C8orf34: variants seen among roughly 807,000 people sequenced by gnomAD.
C8orf34 encodes the protein chromosome 8 open reading frame 34.
In C8orf34, 65 loss-of-function variants were observed where a neutral mutation model predicts 68.3. That is an observed-to-expected ratio of 0.95 (90% confidence interval 0.78 to 1.17). The LOEUF is 1.17. Ranked by LOEUF, C8orf34 falls within the 50% of genes most tolerant of loss-of-function variation. The probability of loss-of-function intolerance (pLI) is 0.00; values close to 1 mark genes in which losing one functional copy is unlikely to be tolerated. For synonymous variants in C8orf34, 244 were observed against 241.2 expected, an observed-to-expected ratio of 1.01 and a Z score of -0.11; for missense variants, 664 against 655.4, an observed-to-expected ratio of 1.01 and a Z score of -0.14.
At chr8:68,525,069 T>A (rs533438023) in intron 6 of C8orf34, among the ~76,000 whole-genome samples, 47 of 152,284 alleles carry the variant, frequency 3.1e-4, no homozygotes, top group African/African-American at 1.1e-3. Context: ...AATATTAAAA[T>A]AAGAGCTAAA....
chr8:68,448,193 T>C (rs761990716), intron 3 of C8orf34, among the ~76,000 whole-genome samples: 4 of 152,200 alleles, frequency 2.6e-5, no homozygotes, highest in Admixed American at 6.6e-5. Context: ...GCAGGTCCTG[T>C]GTTCTTTGTA....
chr8:68,705,373 A>G (rs1821132770), intron 8 of C8orf34, among the ~76,000 whole-genome samples: 1 of 152,162 alleles, frequency 6.6e-6, no homozygotes, highest in African/African-American at 2.4e-5. Flanking sequence ...CAAAGAGAGA[A>G]AGCCTTTAAA....
At chr8:68,653,765 A>G (rs1172734129) in intron 8 of C8orf34, among the ~76,000 whole-genome samples, 1 of 152,136 alleles carries the variant, frequency 6.6e-6, no homozygotes, top group African/African-American at 2.4e-5. Context: ...AAATAGCATC[A>G]CATTATAGAT....
chr8:68,680,724 T>C (rs1354231829), intron 8 of C8orf34, among the ~76,000 whole-genome samples: 1 of 152,018 alleles, frequency 6.6e-6, no homozygotes, highest in Admixed American at 6.6e-5. Flanking sequence ...CTGATAAGGG[T>C]CTATGTTCAG....
At chr8:68,647,449 A>G (rs1219210747) in intron 8 of C8orf34, among the ~76,000 whole-genome samples, 4 of 152,232 alleles carry the variant, frequency 2.6e-5, no homozygotes, top group African/African-American at 9.6e-5. Flanking sequence ...CTGGGTATAT[A>G]TTTAAAGGAA....
intron 7 of C8orf34, among the ~76,000 whole-genome samples, chr8:68,591,187 G>A (rs753052252): frequency 2.0e-5 from 3 of 152,060 alleles, no homozygotes; most frequent in Non-Finnish European, 2.9e-5. Flanking sequence ...GAAGAAAATC[G>A]CCAAACTAAA....
intron 5 of C8orf34, among the ~76,000 whole-genome samples, chr8:68,497,503 T>C (rs4590429): frequency 0.39 from 58,715 of 151,978 alleles, 11,670 homozygotes; most frequent in African/African-American, 0.44. Context: ...ATGATCCTAT[T>C]TCTATGAATC....
At chr8:68,818,170 CTTTT>C in intron 13 of C8orf34, 65 bp from the exon 14 acceptor site, 1 of 1,520,528 alleles carries the variant, frequency 6.6e-7, no homozygotes, top group Non-Finnish European at 9.1e-7. Context: ...CACAATTTTT[CTTTT>C]TAATATGCTA....
intron 11 of C8orf34, 87 bp downstream of exon 11, chr8:68,776,536 T>C: frequency 9.3e-7 from 1 of 1,070,596 alleles, no homozygotes; most frequent in Non-Finnish European, 1.4e-6. Flanking sequence ...TCCATCTACT[T>C]GTAGGGTTTC....
At chr8:68,370,760 T>G (rs913711935) in intron 1 of C8orf34, among the ~76,000 whole-genome samples, 3 of 152,208 alleles carry the variant, frequency 2.0e-5, no homozygotes, top group African/African-American at 7.2e-5. Context: ...ACACTTTACA[T>G]GAAGAATCTC....
intron 7 of C8orf34, among the ~76,000 whole-genome samples, chr8:68,575,391 T>C (rs1323245869): frequency 2.6e-5 from 4 of 152,104 alleles, no homozygotes; most frequent in Non-Finnish European, 4.4e-5. Context: ...TTTAGCTCTA[T>C]AAACCGTCTA....
chr8:68,528,756 T>C (rs777217717), intron 6 of C8orf34, among the ~76,000 whole-genome samples: 9 of 152,164 alleles, frequency 5.9e-5, no homozygotes, highest in Non-Finnish European at 8.8e-5. Context: ...TTTTTCCTGC[T>C]CTCCCCCAAT....
chr8:68,642,059 G>A (rs963740070), intron 8 of C8orf34, among the ~76,000 whole-genome samples: 1 of 152,152 alleles, frequency 6.6e-6, no homozygotes, highest in Non-Finnish European at 1.5e-5. Flanking sequence ...TGTATTGATT[G>A]AATAACTTGT....
At chr8:68,694,787 T>TTA (rs35690725) in intron 8 of C8orf34, among the ~76,000 whole-genome samples, 1 of 152,068 alleles carries the variant, frequency 6.6e-6, no homozygotes, top group African/African-American at 2.4e-5. Flanking sequence ...AATTGGAATT[T>TTA]CCATTACTTT....
intron 8 of C8orf34, among the ~76,000 whole-genome samples, chr8:68,694,288 T>C (rs1172545345): frequency 6.7e-6 from 1 of 150,326 alleles, no homozygotes; most frequent in Non-Finnish European, 1.5e-5. Context: ...TTTGACAGAA[T>C]GACACACAAT....
chr8:68,816,052 T>C, intron 13 of C8orf34, 107 bp downstream of exon 13: 2 of 1,569,982 alleles, frequency 1.3e-6, no homozygotes, highest in African/African-American at 1.4e-5. Flanking sequence ...TGACCTCTAA[T>C]GAGAATAGGT....
chr8:68,460,233 G>A (rs1210531144), intron 3 of C8orf34, among the ~76,000 whole-genome samples: 2 of 151,662 alleles, frequency 1.3e-5, no homozygotes, highest in East Asian at 1.9e-4. Context: ...CAGCGAGGCT[G>A]GGGGAGGGGC....
At chr8:68,443,305 A>G (rs2129626347) in intron 2 of C8orf34, among the ~76,000 whole-genome samples, 1 of 152,322 alleles carries the variant, frequency 6.6e-6, no homozygotes, top group South Asian at 2.1e-4. Context: ...TTGGATACTA[A>G]TGAAACTGAA....
chr8:68,619,115 C>T (rs986237746), intron 7 of C8orf34, among the ~76,000 whole-genome samples: 4 of 151,972 alleles, frequency 2.6e-5, no homozygotes, highest in African/African-American at 9.7e-5. Context: ...ATCACTTGAG[C>T]TCAGGAGTTT....
Sources: gnomAD v4.1 joint callset for allele counts (sites outside exome capture counted in the v4.1 genomes callset) on GRCh38, gnomAD v4.1.1 for gene constraint, MANE v1.5 for transcripts, NCBI Gene and HGNC (gene_info 2026-07-23, HGNC 2026-07-21) for gene names.